NFATC2: variants seen among roughly 807,000 people sequenced by gnomAD.
The protein encoded by NFATC2 is nuclear factor of activated T cells 2.
In NFATC2, 22 loss-of-function variants were observed where a neutral mutation model predicts 87.3. The observed-to-expected ratio is 0.25, with a 90% confidence interval of 0.18 to 0.36. The LOEUF (loss-of-function observed/expected upper bound fraction) is 0.36. Ranked by LOEUF, NFATC2 falls within the 10% of genes least tolerant of loss-of-function variation. The probability of loss-of-function intolerance (pLI) is 1.00; values close to 1 mark genes in which losing one functional copy is unlikely to be tolerated. For synonymous variants in NFATC2, 565 were observed against 542.2 expected (o/e 1.04, Z -0.58); for missense variants, 1,149 against 1,259.1 (o/e 0.91, Z 1.32).
chr20:51,523,010 C>T lies in NFATC2; in HGVS notation c.1160+71G>A, dbSNP rs2076473921. On this transcript the variant is annotated intron_variant, in intron 2 of 10. Transcript: ENST00000371564. This position sits in a 1 kb window ranked among gnomAD's most constrained non-coding sequence, Gnocchi z 6.9. Reference sequence around the variant, plus strand: ...CAGTCTTAAACCTGACTCTGAATCCCATGCTCATAACCAGAAAACCATCTC... The same window carrying T: ...CAGTCTTAAACCTGACTCTGAATCCTATGCTCATAACCAGAAAACCATCTC... 1.3e-6 allele frequency: 2 copies of T among 1,590,028 alleles called. No individual in the cohort carries two copies. The highest frequency in any genetic ancestry group is 1.7e-6 in the Non-Finnish European group (2 of 1,169,632).
intron 1 of NFATC2, among the ~76,000 whole-genome samples, chr20:51,526,491 G>A (rs2076548180): frequency 6.6e-6 from 1 of 152,140 alleles, no homozygotes; most frequent in African/African-American, 2.4e-5. Flanking sequence ...TGTCACTGTG[G>A]CCCAGCATTG....
At chr20:51,406,377 GGGGTGACAGT>G (rs35980055) in intron 9 of NFATC2, among the ~76,000 whole-genome samples, 83,190 of 151,742 alleles carry the variant, frequency 0.55, 26,095 homozygotes, top group Non-Finnish European at 0.71. Flanking sequence ...AAGAAAAATG[GGGGTGACAGT>G]GTTGGCATCG....
intron 6 of NFATC2, among the ~76,000 whole-genome samples, chr20:51,440,960 C>T (rs1984252582): frequency 6.6e-6 from 1 of 152,206 alleles, no homozygotes; most frequent in Non-Finnish European, 1.5e-5. Context: ...CTCTGAATTG[C>T]ACTCCCATGG....
chr20:51,413,006 C>G (rs867972813), intron 9 of NFATC2, among the ~76,000 whole-genome samples: 1 of 123,946 alleles, frequency 8.1e-6, no homozygotes, highest in Admixed American at 8.1e-5. Flanking sequence ...GCCCCCCCCC[C>G]TCCCCGCCAA....
chr20:51,431,937 C>T, intron 9 of NFATC2, 130 bp downstream of exon 9: 1 of 989,500 alleles, frequency 1.0e-6, no homozygotes, highest in Non-Finnish European at 1.4e-6. Context: ...TATTCAACCT[C>T]CTTAAATTAA....
intron 10 of NFATC2, among the ~76,000 whole-genome samples, chr20:51,398,080 TGATTTCAAATCCAGAAACCAA>T (rs1987464906): frequency 6.6e-6 from 1 of 152,102 alleles, no homozygotes; most frequent in Non-Finnish European, 1.5e-5. Flanking sequence ...TCCAAGGGGC[TGATTTCAAATCCAGAAACCAA>T]GTAGCAGAAT....
At chr20:51,414,783 C>T (rs1411157311) in intron 9 of NFATC2, among the ~76,000 whole-genome samples, 3 of 152,054 alleles carry the variant, frequency 2.0e-5, no homozygotes, top group South Asian at 2.1e-4. Context: ...TCCGCACAGC[C>T]GCAGTCATCC....
chr20:51,417,600 T>C (rs551728288), intron 9 of NFATC2, among the ~76,000 whole-genome samples: 5 of 152,340 alleles, frequency 3.3e-5, no homozygotes, highest in Admixed American at 6.5e-5. Flanking sequence ...CGTCACTTTA[T>C]TGAACTCCGC....
intron 1 of NFATC2, among the ~76,000 whole-genome samples, chr20:51,550,463 C>T (rs1355923343): frequency 1.3e-5 from 2 of 151,868 alleles, no homozygotes; most frequent in Non-Finnish European, 2.9e-5. Flanking sequence ...TGGTGGTGGG[C>T]GCCTGTAATT....
chr20:51,456,370 CTAAGA>C (rs2146439197), intron 5 of NFATC2, among the ~76,000 whole-genome samples: 1 of 152,206 alleles, frequency 6.6e-6, no homozygotes, highest in African/African-American at 2.4e-5. Flanking sequence ...AAAACCAAAG[CTAAGA>C]GGAGTAAAGT....
intron 3 of NFATC2, among the ~76,000 whole-genome samples, chr20:51,504,084 G>A (rs554732464): frequency 2.6e-5 from 4 of 152,136 alleles, no homozygotes; most frequent in South Asian, 2.1e-4. Context: ...GTGCAATGGC[G>A]CAATATTGGC....
intron 3 of NFATC2, among the ~76,000 whole-genome samples, chr20:51,479,919 C>G (rs1402283226): frequency 6.6e-6 from 1 of 152,170 alleles, no homozygotes; most frequent in Admixed American, 6.5e-5. Flanking sequence ...CCACTCTGCT[C>G]TCTGATTACT....
chr20:51,458,163 C>T (rs1479923969), intron 5 of NFATC2, among the ~76,000 whole-genome samples: 1 of 152,222 alleles, frequency 6.6e-6, no homozygotes, highest in East Asian at 1.9e-4. Flanking sequence ...AGGCACGAGC[C>T]ACTGTGTCTA....
chr20:51,479,039 A>G (rs1988997898), intron 3 of NFATC2, among the ~76,000 whole-genome samples: 1 of 152,168 alleles, frequency 6.6e-6, no homozygotes, highest in Non-Finnish European at 1.5e-5. Context: ...AGTTGACACC[A>G]CTTTGGTATG....
At chr20:51,467,743 C>T (rs1288417471) in intron 5 of NFATC2, among the ~76,000 whole-genome samples, 1 of 152,108 alleles carries the variant, frequency 6.6e-6, no homozygotes, top group Non-Finnish European at 1.5e-5. Context: ...TCTCATACAT[C>T]CTTGTTCAGA....
chr20:51,484,339 T>G (rs1989525850), intron 3 of NFATC2, among the ~76,000 whole-genome samples: 1 of 152,024 alleles, frequency 6.6e-6, no homozygotes, highest in South Asian at 2.1e-4. Context: ...CCCACGCCCT[T>G]CCCACTGTCC....
Position 51,524,165 on chromosome 20 carries a change from G to T in NFATC2, c.131-55C>A. The T allele has an allele frequency of 1.5e-6, 2 of 1,371,726 alleles. No homozygotes were observed. The highest frequency in any genetic ancestry group is 9.5e-7 in the Non-Finnish European group (1 of 1,049,678). The allele number at this position is 1,371,726 out of a possible 1,614,324, so 85.0% of individuals were successfully genotyped here. On this transcript the variant is annotated intron_variant, in intron 1 of 10. Coordinates refer to ENST00000371564, the MANE Select transcript of NFATC2 (RefSeq NM_012340.5). The surrounding 1 kb of genome is among the most constrained non-coding windows in gnomAD (Gnocchi z 4.0). ...TTTAAGCCTCAAAAACAGAACTCCC[G>T]GTGCAGAGCAATCACAGGCTGGATT...
At chr20:51,561,314 T>G in intron 1 of NFATC2, among the ~76,000 whole-genome samples, 1 of 109,532 alleles carries the variant, frequency 9.1e-6, no homozygotes, top group African/African-American at 3.7e-5. Context: ...GCATTTGGCT[T>G]CAATCTAGTT....
intron 9 of NFATC2, among the ~76,000 whole-genome samples, chr20:51,426,349 G>A (rs903853842): frequency 9.9e-5 from 15 of 152,088 alleles, no homozygotes; most frequent in African/African-American, 3.6e-4. Context: ...GTGCTGGCAG[G>A]CACCTGTAGT....
Sources: gnomAD v4.1 joint callset for allele counts (sites outside exome capture counted in the v4.1 genomes callset) on GRCh38, gnomAD v4.1.1 for gene constraint, Gnocchi (gnomAD v3.1) non-coding constraint, MANE v1.5 for transcripts, NCBI Gene and HGNC (gene_info 2026-07-23, HGNC 2026-07-21) for gene names.